SDK1: variants seen among roughly 807,000 people sequenced by gnomAD.
The protein encoded by SDK1 is protein sidekick-1.
In SDK1, 157 loss-of-function variants were observed where a neutral mutation model predicts 245.5. The ratio of observed to expected loss-of-function variants is 0.64; its 90% confidence interval spans 0.56 to 0.73. The LOEUF is 0.73. Ranked by LOEUF, SDK1 falls within the 30% of genes least tolerant of loss-of-function variation. The probability of loss-of-function intolerance (pLI) is 0.00; values close to 1 mark genes in which losing one functional copy is unlikely to be tolerated. For missense variants in SDK1, 3,583 were observed against 3,002.3 expected (o/e 1.19, Z -4.52); for synonymous variants, 1,647 against 1,278.5 (o/e 1.29, Z -6.15).
chr7:3,989,465 C>T (rs1272310321), intron 14 of SDK1, among the ~76,000 whole-genome samples: 1 of 152,156 alleles, frequency 6.6e-6, no homozygotes, highest in Non-Finnish European at 1.5e-5. Flanking sequence ...TCATTTATTC[C>T]AGATGAGGGT....
At chr7:3,458,717 A>C (rs998928373) in intron 1 of SDK1, among the ~76,000 whole-genome samples, 5 of 152,066 alleles carry the variant, frequency 3.3e-5, no homozygotes, top group African/African-American at 1.2e-4. Flanking sequence ...TAATTAACAT[A>C]ATCATCCTTT....
chr7:3,383,306 G>C (rs376192457), intron 1 of SDK1, among the ~76,000 whole-genome samples: 2 of 152,196 alleles, frequency 1.3e-5, no homozygotes, highest in Non-Finnish European at 1.5e-5. Context: ...AGCTACTAGG[G>C]AGACTGAGAT....
At chr7:4,215,583 A>G (rs547007390) in intron 38 of SDK1, among the ~76,000 whole-genome samples, 2 of 152,206 alleles carry the variant, frequency 1.3e-5, no homozygotes, top group South Asian at 4.2e-4. Context: ...CCCCAGTGAG[A>G]CTCAATGTGT....
At chr7:3,777,025 A>G (rs1158474050) in intron 4 of SDK1, among the ~76,000 whole-genome samples, 1 of 152,182 alleles carries the variant, frequency 6.6e-6, no homozygotes, top group African/African-American at 2.4e-5. Flanking sequence ...CCAGCGCCTC[A>G]GATACCTGCT....
At chr7:4,190,474 G>A (rs1204631214) in intron 35 of SDK1, among the ~76,000 whole-genome samples, 1 of 152,336 alleles carries the variant, frequency 6.6e-6, no homozygotes, top group East Asian at 1.9e-4. Context: ...TCCGCAGGGG[G>A]CTCCCCGGGC....
intron 19 of SDK1, among the ~76,000 whole-genome samples, chr7:4,065,276 G>A (rs1380336967): frequency 6.6e-6 from 1 of 152,168 alleles, no homozygotes; most frequent in Non-Finnish European, 1.5e-5. Flanking sequence ...AGCTGATGGT[G>A]CTGTAGTTAG....
chr7:3,559,939 A>G (rs1779697268), intron 1 of SDK1, among the ~76,000 whole-genome samples: 1 of 152,176 alleles, frequency 6.6e-6, no homozygotes, highest in African/African-American at 2.4e-5. Flanking sequence ...ATAAACTTAA[A>G]AAGTACTCAG....
At chr7:3,809,146 C>G (rs552074432) in intron 4 of SDK1, among the ~76,000 whole-genome samples, 19 of 152,188 alleles carry the variant, frequency 1.2e-4, no homozygotes, top group Admixed American at 2.6e-4. Context: ...AGCTTCTAAT[C>G]ATGGCAGAAG....
At chr7:3,526,079 A>G (rs945139090) in intron 1 of SDK1, among the ~76,000 whole-genome samples, 1 of 152,074 alleles carries the variant, frequency 6.6e-6, no homozygotes, top group Non-Finnish European at 1.5e-5. Flanking sequence ...TACTAAAAAT[A>G]CAAAATTAGC....
intron 19 of SDK1, among the ~76,000 whole-genome samples, chr7:4,063,098 G>A (rs536480612): frequency 6.6e-6 from 1 of 152,230 alleles, no homozygotes; most frequent in African/African-American, 2.4e-5. Flanking sequence ...GGAAGTCCTA[G>A]CCACAGCAGT....
intron 4 of SDK1, among the ~76,000 whole-genome samples, chr7:3,765,600 C>T (rs1448137150): frequency 2.0e-5 from 3 of 152,158 alleles, no homozygotes; most frequent in South Asian, 2.1e-4. Flanking sequence ...AGCTTTTAAT[C>T]TTCTACTATT....
At chr7:3,497,726 C>G (rs879777660) in intron 1 of SDK1, among the ~76,000 whole-genome samples, 7 of 152,118 alleles carry the variant, frequency 4.6e-5, no homozygotes, top group Non-Finnish European at 8.8e-5. Flanking sequence ...TTGATAAACC[C>G]CTTAGATGCT....
chr7:4,082,935 A>G (rs1781156110), intron 22 of SDK1, among the ~76,000 whole-genome samples: 1 of 152,112 alleles, frequency 6.6e-6, no homozygotes, highest in African/African-American at 2.4e-5. Context: ...GAACATTTTA[A>G]TATCATCTAA....
At chr7:3,606,211 T>C (rs559042981) in intron 1 of SDK1, among the ~76,000 whole-genome samples, 1 of 152,304 alleles carries the variant, frequency 6.6e-6, no homozygotes, top group South Asian at 2.1e-4. Context: ...AATTTTGGTA[T>C]CATCATTGAT....
At chr7:3,969,977 T>C (rs1782361369) in intron 11 of SDK1, among the ~76,000 whole-genome samples, 1 of 152,230 alleles carries the variant, frequency 6.6e-6, no homozygotes, top group Non-Finnish European at 1.5e-5. Flanking sequence ...AAGAAAATCT[T>C]CAGCTTTTGC....
chr7:3,461,309 T>C (rs1465153552), intron 1 of SDK1, among the ~76,000 whole-genome samples: 1 of 152,204 alleles, frequency 6.6e-6, no homozygotes, highest in African/African-American at 2.4e-5. Flanking sequence ...ACATGGTCTG[T>C]TTCCCATAAA....
At chr7:3,680,918 C>G (rs1010305326) in intron 4 of SDK1, among the ~76,000 whole-genome samples, 3 of 152,214 alleles carry the variant, frequency 2.0e-5, no homozygotes, top group African/African-American at 7.2e-5. Context: ...TCTTGGCTCA[C>G]TGCAACCTCC....
chr7:4,144,049 T>A (rs1290349179), intron 28 of SDK1, among the ~76,000 whole-genome samples: 2 of 150,172 alleles, frequency 1.3e-5, no homozygotes, highest in African/African-American at 4.9e-5. Flanking sequence ...CTACTCTCAC[T>A]GTGCAAGGGT....
At position 4,232,407 on chromosome 7, in the gene SDK1, C is replaced by CTTTTTTTTTTTTTTTTTTTTT. The variant is rs201396862; in HGVS notation, c.5828-845_5828-844insTTTTTTTTTTTTTTTTTTTTT. On this transcript the variant is annotated intron_variant, in intron 40 of 44. Coordinates refer to ENST00000404826, the MANE Select transcript of SDK1 (RefSeq NM_152744.4). ...TTCTTTTTTTCTTTTCTTTTCTTTT[C>CTTTTTTTTTTTTTTTTTTTTT]TTTCTTTTTTTTTTTTTTTTGTTAT... Among the ~76,000 whole-genome samples the CTTTTTTTTTTTTTTTTTTTTT allele has an allele frequency of 4.9e-4, 36 of 73,182 alleles. 1 individual carries two copies. The highest frequency in any genetic ancestry group is 7.1e-4 in the East Asian group (2 of 2,820). 48.0% of individuals were successfully genotyped at this position (73,182 alleles called of 152,430 possible).
Sources: allele counts gnomAD v4.1 joint callset (sites outside exome capture counted in the v4.1 genomes callset), GRCh38; gene constraint gnomAD v4.1.1; transcripts MANE v1.5; gene names NCBI Gene and HGNC (gene_info 2026-07-23, HGNC 2026-07-21).